Variants in FMN2 observed in about 807,000 individuals in gnomAD.
FMN2 encodes formin 2.
Under a neutral mutation model 142.3 loss-of-function variants are expected in FMN2, and 51 were observed. The ratio of observed to expected loss-of-function variants is 0.36; its 90% CI spans 0.29 to 0.45. The LOEUF is 0.45. Among genes scored for constraint, FMN2 ranks in the 20% least tolerant of loss-of-function variants. FMN2 has a pLI of 1.00. For synonymous variants in FMN2, 882 were observed against 869.8 expected, an observed-to-expected ratio of 1.01 and a Z score of -0.25; for missense variants, 1,936 against 2,122.8, an observed-to-expected ratio of 0.91 and a Z score of 1.73.
intron 16 of FMN2, chr1:240,458,452 C>T (rs1457669173): frequency 3.3e-5 from 5 of 152,142 alleles, no homozygotes; most frequent in Non-Finnish European, 5.9e-5. Context: ...TCTCCCGCCC[C>T]ATAGCCTGAC....
chr1:240,451,733 G>C (rs998573842), intron 16 of FMN2, among the ~76,000 whole-genome samples: 8 of 152,212 alleles, frequency 5.3e-5, no homozygotes, highest in Non-Finnish European at 8.8e-5. Context: ...TAGTAAAATA[G>C]TGGGTAGCAG....
At chr1:240,359,116 C>T (rs1672378685) in intron 14 of FMN2, among the ~76,000 whole-genome samples, 2 of 152,146 alleles carry the variant, frequency 1.3e-5, no homozygotes, top group Non-Finnish European at 1.5e-5. Flanking sequence ...CAGAGCAAGA[C>T]TCTGTCTCAA....
At chr1:240,401,935 T>C (rs112183374) in intron 15 of FMN2, among the ~76,000 whole-genome samples, 164 of 152,322 alleles carry the variant, frequency 1.1e-3, no homozygotes, top group African/African-American at 3.8e-3. Context: ...TAAAAAGGAA[T>C]ATAACCTCAC....
chr1:240,295,590 C>T (rs1465653188), intron 8 of FMN2, among the ~76,000 whole-genome samples: 1 of 152,156 alleles, frequency 6.6e-6, no homozygotes, highest in Non-Finnish European at 1.5e-5. Context: ...TTGCAAATGG[C>T]AGGATTGCTT....
At chr1:240,197,628 G>A (rs552117740) in intron 4 of FMN2, among the ~76,000 whole-genome samples, 6 of 152,248 alleles carry the variant, frequency 3.9e-5, no homozygotes, top group East Asian at 1.9e-4. Flanking sequence ...CTGGAGGGAC[G>A]AAATCTTTGC....
Position 240,093,304 on chromosome 1 carries a change from G to T in FMN2, c.1195G>T (p.Gly399Cys). Residue 399 changes from glycine (G) to cysteine (C), a missense_variant, in exon 1 of 18, where the codon GGC becomes TGC. Transcript: ENST00000319653. ...PDAPAAASLP[G>C]SPAPSQRCFK... ...CGCCCCCGCGGCCGCTTCCCTGCCCGGCAGCCCCGCGCCTAGCCAGCGCTG... is the reference window on the plus strand; with the variant it reads ...CGCCCCCGCGGCCGCTTCCCTGCCCTGCAGCCCCGCGCCTAGCCAGCGCTG... 6 of 1,607,692 alleles carry T rather than the reference G, an allele frequency of 3.7e-6. No homozygotes were observed. Among genetic ancestry groups the T allele is most frequent in the Non-Finnish European group, 5.1e-6 (6 of 1,177,588 alleles).
intron 2 of FMN2, among the ~76,000 whole-genome samples, chr1:240,172,164 G>A (rs184830880): frequency 2.5e-3 from 371 of 151,276 alleles, no homozygotes; most frequent in Middle Eastern, 0.024. Context: ...ACCCTATTCG[G>A]GAAAATAACA....
chr1:240,205,478 T>C (rs1285385856), intron 4 of FMN2, among the ~76,000 whole-genome samples: 3 of 147,382 alleles, frequency 2.0e-5, no homozygotes, highest in Non-Finnish European at 3.0e-5. Flanking sequence ...TTTTTTTTTT[T>C]TGAGACGGAG....
At chr1:240,320,910 A>AGT (rs1440143007) in intron 8 of FMN2, among the ~76,000 whole-genome samples, 2 of 152,234 alleles carry the variant, frequency 1.3e-5, no homozygotes, top group Non-Finnish European at 2.9e-5. Context: ...GAACCAAGGC[A>AGT]GTGACACCAA....
chr1:240,210,817 A>G (rs947249387), intron 5 of FMN2, among the ~76,000 whole-genome samples: 1 of 152,140 alleles, frequency 6.6e-6, no homozygotes, highest in Non-Finnish European at 1.5e-5. Context: ...TTTTCTTTTT[A>G]CATTTTTATA....
intron 6 of FMN2, chr1:240,235,655 A>G (rs6681648): frequency 0.31 from 47,744 of 151,966 alleles, 8,632 homozygotes; most frequent in African/African-American, 0.5. Context: ...TCCTGGGCTC[A>G]AGTGATCCAC....
At chr1:240,209,859 G>A (rs899657175) in intron 5 of FMN2, among the ~76,000 whole-genome samples, 13 of 151,806 alleles carry the variant, frequency 8.6e-5, no homozygotes, top group Non-Finnish European at 1.6e-4. Flanking sequence ...AGCCGAGATC[G>A]CGCCACTGCA....
intron 14 of FMN2, among the ~76,000 whole-genome samples, chr1:240,391,917 A>G (rs1171929660): frequency 6.6e-6 from 1 of 152,094 alleles, no homozygotes; most frequent in Non-Finnish European, 1.5e-5. Flanking sequence ...ATCTCCTTAA[A>G]TTTGACCTTT....
intron 7 of FMN2, among the ~76,000 whole-genome samples, chr1:240,261,890 T>G (rs1398239423): frequency 6.6e-6 from 1 of 152,122 alleles, no homozygotes; most frequent in Non-Finnish European, 1.5e-5. Context: ...CTGTGGTTTA[T>G]AGTAATTTGA....
At chr1:240,120,615 C>CT (rs1047313725) in intron 1 of FMN2, among the ~76,000 whole-genome samples, 2 of 152,120 alleles carry the variant, frequency 1.3e-5, no homozygotes, top group Non-Finnish European at 1.5e-5. Flanking sequence ...GGAAGGTCAA[C>CT]TTTAAACAAA....
At chr1:240,275,176 T>G (rs144459051) in intron 7 of FMN2, among the ~76,000 whole-genome samples, 2,370 of 151,672 alleles carry the variant, frequency 0.016, 59 homozygotes, top group African/African-American at 0.046. Context: ...TGCCATGGTG[T>G]TTTGCTGCAT....
intron 6 of FMN2, among the ~76,000 whole-genome samples, chr1:240,227,168 T>C (rs949762879): frequency 1.3e-5 from 2 of 152,232 alleles, no homozygotes; most frequent in African/African-American, 4.8e-5. Context: ...GCAATTATCA[T>C]TGTGAAAATG....
At chr1:240,225,073 G>T (rs1460984557) in intron 6 of FMN2, among the ~76,000 whole-genome samples, 1 of 152,160 alleles carries the variant, frequency 6.6e-6, no homozygotes, top group African/African-American at 2.4e-5. Flanking sequence ...GGACTATTGG[G>T]TCAGTTTCAA....
intron 15 of FMN2, among the ~76,000 whole-genome samples, chr1:240,422,094 A>G (rs141434110): frequency 6.6e-6 from 1 of 152,264 alleles, no homozygotes; most frequent in East Asian, 1.9e-4. Context: ...ACTCTGTTCT[A>G]CAGTTTCATT....
Sources: allele counts gnomAD v4.1 joint callset (sites outside exome capture counted in the v4.1 genomes callset), GRCh38; gene constraint gnomAD v4.1.1; transcripts MANE v1.5; gene names NCBI Gene and HGNC (gene_info 2026-07-23, HGNC 2026-07-21).